CSMD1: variants seen among roughly 807,000 people sequenced by gnomAD.
CSMD1 encodes CUB and sushi domain-containing protein 1.
In CSMD1, 213 loss-of-function variants were observed where a neutral mutation model predicts 417.5. The ratio of observed to expected loss-of-function variants is 0.51; its 90% CI spans 0.46 to 0.57. CSMD1 has a LOEUF of 0.57. Ranked by LOEUF, CSMD1 falls within the 20% of genes least tolerant of loss-of-function variation. The probability of loss-of-function intolerance (pLI) is 0.00; values close to 1 mark genes in which losing one functional copy is unlikely to be tolerated. For missense variants in CSMD1, 6,923 were observed against 4,529.7 expected, an observed-to-expected ratio of 1.53 and a Z score of -15.17; for synonymous variants, 2,862 against 1,736.8, an observed-to-expected ratio of 1.65 and a Z score of -16.11.
At chr8:3,830,879 G>C (rs1421376643) in intron 5 of CSMD1, among the ~76,000 whole-genome samples, 3 of 152,050 alleles carry the variant, frequency 2.0e-5, no homozygotes, top group Non-Finnish European at 2.9e-5. Context: ...TCTTCATCGA[G>C]GTTCACTACG....
chr8:4,780,908 A>ATTGTAAT (rs906144363), intron 1 of CSMD1, among the ~76,000 whole-genome samples: 2 of 152,164 alleles, frequency 1.3e-5, no homozygotes, highest in African/African-American at 4.8e-5. Context: ...TTCATTCCTT[A>ATTGTAAT]TTGTAATTAT....
intron 1 of CSMD1, among the ~76,000 whole-genome samples, chr8:4,893,002 T>A (rs1233959031): frequency 6.6e-6 from 1 of 152,190 alleles, no homozygotes; most frequent in Non-Finnish European, 1.5e-5. Flanking sequence ...GGTGTGATAC[T>A]GCATCTGTGT....
intron 3 of CSMD1, among the ~76,000 whole-genome samples, chr8:4,223,967 A>G (rs1255922460): frequency 6.6e-6 from 1 of 152,174 alleles, no homozygotes; most frequent in Non-Finnish European, 1.5e-5. Flanking sequence ...TAGTCCAACC[A>G]CTTTTGAGAG....
At chr8:4,098,847 C>G (rs1307974790) in intron 3 of CSMD1, among the ~76,000 whole-genome samples, 1 of 152,174 alleles carries the variant, frequency 6.6e-6, no homozygotes, top group East Asian at 1.9e-4. Flanking sequence ...TGCCATAAAT[C>G]TTGCTCACTC....
intron 1 of CSMD1, among the ~76,000 whole-genome samples, chr8:4,844,328 A>G (rs963616584): frequency 1.3e-5 from 2 of 152,040 alleles, no homozygotes; most frequent in East Asian, 3.9e-4. Flanking sequence ...TTATTGATAC[A>G]TTTTGTTTTT....
Position 4,053,298 on chromosome 8 carries a change from A to T in CSMD1, c.416-21199T>A, listed in dbSNP as rs1351678146. 5.3e-5 allele frequency among the ~76,000 whole-genome samples: 8 copies of T among 152,340 alleles called. No homozygotes were observed. The East Asian group carries it at 1.5e-3, about 29-fold the overall frequency. ...TATTTTATCACTGACAGTGCTTAGC[A>T]TTGCGAATGCATGAGAATAATAAAA... On this transcript the variant is annotated intron_variant, in intron 3 of 69. Coordinates refer to ENST00000635120, the MANE Select transcript of CSMD1 (RefSeq NM_033225.6).
intron 5 of CSMD1, among the ~76,000 whole-genome samples, chr8:3,974,405 T>C (rs1265087967): frequency 6.6e-6 from 1 of 152,056 alleles, no homozygotes; most frequent in African/African-American, 2.4e-5. Context: ...CATGTATTTT[T>C]ATTTTCACTT....
At chr8:3,854,302 G>A (rs969846817) in intron 5 of CSMD1, among the ~76,000 whole-genome samples, 1 of 151,650 alleles carries the variant, frequency 6.6e-6, no homozygotes, top group Admixed American at 6.6e-5. Context: ...TGAAATTTTA[G>A]TAGTGTGCAC....
At chr8:3,185,011 A>C (rs986326454) in intron 36 of CSMD1, among the ~76,000 whole-genome samples, 1 of 152,178 alleles carries the variant, frequency 6.6e-6, no homozygotes, top group African/African-American at 2.4e-5. Context: ...ATATAGTCTT[A>C]ATCATATGTA....
rs73506707 is a variant in CSMD1, at chr8:3,822,214, C to G, written c.819-68172G>C. Among the ~76,000 whole-genome samples the G allele has an allele frequency of 4.7e-3, 715 of 152,288 alleles. 9 individuals carry two copies. The highest frequency in any genetic ancestry group is 0.016 in the African/African-American group (678 of 41,556). Reference sequence around the variant, plus strand: ...AGTCACTTCATTCCTTGACTAGACACTCTGCCATGTGCCTGCTTCCATCAC... The same window carrying G: ...AGTCACTTCATTCCTTGACTAGACAGTCTGCCATGTGCCTGCTTCCATCAC... On this transcript the variant is annotated intron_variant, in intron 5 of 69. Coordinates refer to ENST00000635120, the MANE Select transcript of CSMD1 (RefSeq NM_033225.6).
intron 3 of CSMD1, among the ~76,000 whole-genome samples, chr8:4,272,723 T>C (rs867792199): frequency 6.6e-6 from 1 of 152,178 alleles, no homozygotes; most frequent in South Asian, 2.1e-4. Flanking sequence ...CTGTAATTCT[T>C]GACTGTACAT....
chr8:4,435,288 A>G (rs1798089271), intron 2 of CSMD1, among the ~76,000 whole-genome samples: 1 of 152,186 alleles, frequency 6.6e-6, no homozygotes, highest in Non-Finnish European at 1.5e-5. Context: ...ACTGTTCACA[A>G]ATGATTGTTC....
intron 62 of CSMD1, among the ~76,000 whole-genome samples, chr8:2,958,460 G>A (rs1803184751): frequency 6.6e-6 from 1 of 152,170 alleles, no homozygotes; most frequent in South Asian, 2.1e-4. Flanking sequence ...CAGTGTCCTG[G>A]AATTACCTGT....
intron 5 of CSMD1, among the ~76,000 whole-genome samples, chr8:3,812,256 T>G (rs1266968850): frequency 6.6e-6 from 1 of 152,112 alleles, no homozygotes; most frequent in Non-Finnish European, 1.5e-5. Context: ...ACAAAATAAA[T>G]AAAATAATAA....
chr8:3,542,485 G>A (rs1041402275), intron 10 of CSMD1, among the ~76,000 whole-genome samples: 1 of 152,176 alleles, frequency 6.6e-6, no homozygotes, highest in Admixed American at 6.5e-5. Context: ...TTCTCAGGCA[G>A]GGAAAAAGCA....
intron 7 of CSMD1, among the ~76,000 whole-genome samples, chr8:3,617,812 C>T (rs1445454311): frequency 6.6e-6 from 1 of 152,126 alleles, no homozygotes; most frequent in Non-Finnish European, 1.5e-5. Context: ...AGCTGATTTA[C>T]TATAGCGTAA....
chr8:4,873,127 A>C (rs1802831875), intron 1 of CSMD1, among the ~76,000 whole-genome samples: 1 of 152,096 alleles, frequency 6.6e-6, no homozygotes, highest in South Asian at 2.1e-4. Flanking sequence ...ATAACATGTC[A>C]TCTGATTCTA....
At chr8:3,380,240 C>A (rs570644338) in intron 18 of CSMD1, among the ~76,000 whole-genome samples, 9 of 152,270 alleles carry the variant, frequency 5.9e-5, no homozygotes, top group Admixed American at 5.9e-4. Flanking sequence ...CAGGAAACAA[C>A]AGATGCTGGA....
intron 2 of CSMD1, among the ~76,000 whole-genome samples, chr8:4,632,781 G>T (rs1005339621): frequency 1.3e-5 from 2 of 152,110 alleles, no homozygotes; most frequent in African/African-American, 4.8e-5. Flanking sequence ...GAATGCCTAG[G>T]GAAGATTTCC....
Sources: gnomAD v4.1 joint callset for allele counts (sites outside exome capture counted in the v4.1 genomes callset) on GRCh38, gnomAD v4.1.1 for gene constraint, MANE v1.5 for transcripts, NCBI Gene and HGNC (gene_info 2026-07-23, HGNC 2026-07-21) for gene names.